LPAR1: variants seen among roughly 807,000 people sequenced by gnomAD.
LPAR1 encodes the protein lysophosphatidic acid receptor 1.
A neutral mutation model predicts 23.8 loss-of-function variants in LPAR1; 5 were observed. That is an observed-to-expected ratio of 0.21 (90% CI 0.11 to 0.44). The LOEUF is 0.44. LPAR1 is among the 20% of genes least tolerant of loss of function. The pLI is 0.99. For missense variants in LPAR1, 311 were observed against 482.8 expected, an observed-to-expected ratio of 0.64 and a Z score of 3.33; for synonymous variants, 160 against 164.7, an observed-to-expected ratio of 0.97 and a Z score of 0.22.
chr9:110,921,225 G>GATCT (rs1394077053), intron 5 of LPAR1, among the ~76,000 whole-genome samples: 1 of 152,124 alleles, frequency 6.6e-6, no homozygotes, highest in Non-Finnish European at 1.5e-5. Context: ...AGTGAGCTGT[G>GATCT]ATCTAGCCAC....
chr9:110,911,647 CAG>C lies in LPAR1; in HGVS notation c.793+29772_793+29773del, dbSNP rs914126327. Among the ~76,000 whole-genome samples, 173 of 152,276 alleles carry C rather than the reference CAG, an allele frequency of 1.1e-3. 1 individual carries two copies. The highest frequency in any genetic ancestry group is 4.0e-3 in the African/African-American group (166 of 41,568). On this transcript the variant is annotated intron_variant, in intron 5 of 5. Coordinates refer to ENST00000683809, the MANE Select transcript of LPAR1 (RefSeq NM_001351411.2). ...TTTCAAAAGATTATGACTTAAGGCT[CAG>C]ATGACTGTTAGCATTTTTAAAGAAA... is the stretch of plus-strand genomic sequence containing the variant.
chr9:110,996,049 C>A (rs2096994723), intron 2 of LPAR1, among the ~76,000 whole-genome samples: 2 of 152,192 alleles, frequency 1.3e-5, no homozygotes, highest in African/African-American at 4.8e-5. Flanking sequence ...GACCTAAAAA[C>A]CAACCGGAGA....
At chr9:110,946,912 A>G (rs146806328) in intron 4 of LPAR1, among the ~76,000 whole-genome samples, 1 of 152,334 alleles carries the variant, frequency 6.6e-6, no homozygotes, top group East Asian at 1.9e-4. Context: ...ATGTAAACAT[A>G]TTAATTTTCT....
At chr9:111,008,393 A>C (rs966792217) in intron 2 of LPAR1, among the ~76,000 whole-genome samples, 2 of 152,138 alleles carry the variant, frequency 1.3e-5, no homozygotes, top group African/African-American at 2.4e-5. Context: ...AAAAGTCATG[A>C]ATCTCCCAAG....
At chr9:111,007,253 C>T (rs2097238035) in intron 2 of LPAR1, among the ~76,000 whole-genome samples, 1 of 152,140 alleles carries the variant, frequency 6.6e-6, no homozygotes, top group South Asian at 2.1e-4. Context: ...ATTACCCAGT[C>T]TTAGGTATTT....
intron 5 of LPAR1, among the ~76,000 whole-genome samples, chr9:110,910,149 G>A (rs1231409970): frequency 6.6e-6 from 1 of 152,188 alleles, no homozygotes; most frequent in African/African-American, 2.4e-5. Context: ...GAGGAAAAGT[G>A]AATGCCTGGC....
intron 5 of LPAR1, among the ~76,000 whole-genome samples, chr9:110,888,271 C>T (rs2082954682): frequency 6.6e-6 from 1 of 152,074 alleles, no homozygotes; most frequent in African/African-American, 2.4e-5. Flanking sequence ...AAAAGCAACC[C>T]CAATTAAGCA....
intron 2 of LPAR1, among the ~76,000 whole-genome samples, chr9:110,994,805 C>A (rs569039388): frequency 2.8e-4 from 42 of 152,232 alleles, no homozygotes; most frequent in African/African-American, 1.0e-3. Context: ...TACATGACTA[C>A]CCCAGACACA....
chr9:110,913,473 G>C (rs559600892), intron 5 of LPAR1, among the ~76,000 whole-genome samples: 8 of 152,068 alleles, frequency 5.3e-5, no homozygotes, highest in African/African-American at 1.7e-4. Context: ...CTAAATGAAA[G>C]TTTTGCAAAA....
chr9:110,893,332 A>T (rs2085151975), intron 5 of LPAR1, among the ~76,000 whole-genome samples: 1 of 152,246 alleles, frequency 6.6e-6, no homozygotes, highest in South Asian at 2.1e-4. Context: ...GTAGAAAATT[A>T]GAAACTATCT....
intron 2 of LPAR1, among the ~76,000 whole-genome samples, chr9:111,004,511 A>G (rs998401994): frequency 6.6e-6 from 1 of 152,002 alleles, no homozygotes; most frequent in Admixed American, 6.6e-5. Flanking sequence ...AAGATCACTG[A>G]CCTCTAAAAA....
chr9:110,980,864 T>C lies in LPAR1; in HGVS notation c.-181-7306A>G, dbSNP rs79741823. Among the ~76,000 whole-genome samples the C allele has an allele frequency of 8.9e-3, 1,350 of 152,228 alleles. 61 individuals are homozygous for C. Among genetic ancestry groups the C allele is most frequent in the Admixed American group, 0.068 (1,030 of 15,244 alleles). On this transcript the variant is annotated intron_variant, in intron 2 of 5. Coordinates refer to ENST00000683809, the MANE Select transcript of LPAR1 (RefSeq NM_001351411.2). ...CTTAATTTGATCATTACACATTGTA[T>C]ATACATGTATCAAAATATCACACTG...
chr9:110,933,085 T>G (rs948865810), intron 5 of LPAR1, among the ~76,000 whole-genome samples: 1 of 152,210 alleles, frequency 6.6e-6, no homozygotes, highest in African/African-American at 2.4e-5. Flanking sequence ...CCTGTGATGC[T>G]AACAGGATTT....
At chr9:111,037,088 ACT>A (rs1292280873) in intron 1 of LPAR1, among the ~76,000 whole-genome samples, 2 of 152,132 alleles carry the variant, frequency 1.3e-5, no homozygotes, top group East Asian at 1.9e-4. Flanking sequence ...AGAACTGCAG[ACT>A]CTGAATCACA....
chr9:110,965,195 T>G (rs182734947), intron 4 of LPAR1, among the ~76,000 whole-genome samples: 1 of 152,200 alleles, frequency 6.6e-6, no homozygotes, highest in East Asian at 1.9e-4. Flanking sequence ...GAACACTGAA[T>G]GAGAATTGGA....
intron 5 of LPAR1, among the ~76,000 whole-genome samples, chr9:110,890,884 C>A (rs2083938750): frequency 6.6e-6 from 1 of 152,174 alleles, no homozygotes. Flanking sequence ...AGATAAAACA[C>A]CACCACCAAC....
chr9:110,892,844 GGCAGGCAGGCAGGCAGGCAGGCAT>G lies in LPAR1; in HGVS notation c.794-17146_794-17123del, dbSNP rs1163912516. The stretch of plus-strand genomic sequence containing the variant: ...AGGAAGGAAGGCAGGCAGGCAGGCA[GGCAGGCAGGCAGGCAGGCAGGCAT>G]GCAGGCAGGCAGGCTCAAAAACACT... On this transcript the variant is annotated intron_variant, in intron 5 of 5. Transcript: ENST00000683809. Among the ~76,000 whole-genome samples the G allele has an allele frequency of 4.7e-3, 549 of 116,826 alleles. 15 individuals carry two copies. Among genetic ancestry groups the G allele is most frequent in the Middle Eastern group, 0.024 (5 of 208 alleles). The allele number at this position is 116,826 out of a possible 152,430, so 76.6% of individuals were successfully genotyped here.
intron 2 of LPAR1, among the ~76,000 whole-genome samples, chr9:110,977,846 GGGAAGGAA>G (rs1196226719): frequency 0.11 from 8,511 of 74,924 alleles, 590 homozygotes; most frequent in South Asian, 0.15. Context: ...GAAGGAAGGA[GGGAAGGAA>G]GGAAGGAAGG....
At chr9:110,877,930 T>C (rs367867881) in intron 5 of LPAR1, among the ~76,000 whole-genome samples, 4 of 152,172 alleles carry the variant, frequency 2.6e-5, no homozygotes, top group South Asian at 2.1e-4. Context: ...TTTCTTCCCA[T>C]GTTAAAATTT....
Sources: gnomAD v4.1 joint callset for allele counts (sites outside exome capture counted in the v4.1 genomes callset) on GRCh38, gnomAD v4.1.1 for gene constraint, MANE v1.5 for transcripts, NCBI Gene and HGNC (gene_info 2026-07-23, HGNC 2026-07-21) for gene names.